Variants in EYA1 observed in about 807,000 individuals in gnomAD.
EYA1 encodes the protein protein phosphatase EYA1.
Under a neutral mutation model 82.0 loss-of-function variants are expected in EYA1, and 16 were observed. That is an observed-to-expected ratio of 0.20 (90% CI 0.13 to 0.30). The LOEUF is 0.30. Ranked by LOEUF, EYA1 falls within the 10% of genes least tolerant of loss-of-function variation. The pLI, the probability that EYA1 is intolerant of heterozygous loss-of-function variation, is 1.00. For synonymous variants in EYA1, 261 were observed against 264.4 expected, an observed-to-expected ratio of 0.99 and a Z score of 0.12; for missense variants, 633 against 730.7, an observed-to-expected ratio of 0.87 and a Z score of 1.54.
rs1300240292 is a variant in EYA1, at chr8:71,199,181, T to TC, written c.*158dup. On this transcript the variant is annotated 3_prime_UTR_variant, in exon 18 of 18. Coordinates refer to ENST00000340726, the MANE Select transcript of EYA1 (RefSeq NM_000503.6). ...TGTTCTGATGAAATAGACGTGGTCC[T>TC]CCATTCACCACAAAGGCAGAGGTCA... 1 of 685,184 alleles carries TC rather than the reference T, an allele frequency of 1.5e-6. No individual in the cohort carries two copies. The highest frequency in any genetic ancestry group is 2.7e-6 in the Non-Finnish European group (1 of 375,378). 42.4% of individuals were successfully genotyped at this position (685,184 alleles called of 1,614,324 possible). A position where few individuals can be genotyped will look rare whatever the true frequency, so the allele number is the denominator to read the frequency against.
At chr8:71,433,598 G>GT (rs1409828770) in intron 2 of EYA1, among the ~76,000 whole-genome samples, 1 of 152,174 alleles carries the variant, frequency 6.6e-6, no homozygotes, top group African/African-American at 2.4e-5. Flanking sequence ...AACAGGCAAC[G>GT]TAACAATCCA....
At chr8:71,422,598 A>G (rs1011435486) in intron 2 of EYA1, among the ~76,000 whole-genome samples, 2 of 152,188 alleles carry the variant, frequency 1.3e-5, no homozygotes, top group Non-Finnish European at 2.9e-5. Flanking sequence ...AAGACTGGGT[A>G]ATTTATAAAG....
chr8:71,269,701 C>T, intron 11 of EYA1, 39 bp downstream of exon 11: 1 of 1,448,456 alleles, frequency 6.9e-7, no homozygotes, highest in Non-Finnish European at 9.7e-7. Flanking sequence ...GGTATATTTA[C>T]TCCAAAGAAA....
chr8:71,247,149 T>C (rs1813202605), intron 11 of EYA1, among the ~76,000 whole-genome samples: 2 of 150,904 alleles, frequency 1.3e-5, no homozygotes, highest in Admixed American at 1.3e-4. Flanking sequence ...TCTCACCCCC[T>C]TAGCACTACC....
intron 16 of EYA1, among the ~76,000 whole-genome samples, chr8:71,212,977 C>G (rs1252180410): frequency 6.6e-6 from 1 of 152,062 alleles, no homozygotes; most frequent in Non-Finnish European, 1.5e-5. Context: ...CCTGGGGAGG[C>G]TGAGGCAGGA....
chr8:71,378,289 G>A (rs1452035017), intron 2 of EYA1, among the ~76,000 whole-genome samples: 1 of 152,108 alleles, frequency 6.6e-6, no homozygotes, highest in Non-Finnish European at 1.5e-5. Flanking sequence ...GACCCTTTAA[G>A]ATAAGAAGGG....
intron 2 of EYA1, among the ~76,000 whole-genome samples, chr8:71,510,022 C>A (rs1049859827): frequency 6.6e-6 from 1 of 150,680 alleles, no homozygotes; most frequent in African/African-American, 2.4e-5. Context: ...GTACCCTACC[C>A]TCACACTATA....
chr8:71,402,190 T>TG (rs1829994744), intron 2 of EYA1, among the ~76,000 whole-genome samples: 1 of 152,214 alleles, frequency 6.6e-6, no homozygotes, highest in South Asian at 2.1e-4. Context: ...TCTGTGCTCC[T>TG]GCAAGGAATC....
At chr8:71,336,570 T>C (rs1181702256) in intron 3 of EYA1, among the ~76,000 whole-genome samples, 1 of 152,240 alleles carries the variant, frequency 6.6e-6, no homozygotes, top group African/African-American at 2.4e-5. Context: ...ATTCTCCATA[T>C]GATTAGCTTA....
intron 3 of EYA1, among the ~76,000 whole-genome samples, chr8:71,352,340 A>G (rs564674877): frequency 3.9e-5 from 6 of 152,312 alleles, no homozygotes; most frequent in African/African-American, 1.4e-4. Flanking sequence ...ACTTAATAAA[A>G]ACCTAGAACT....
intron 3 of EYA1, among the ~76,000 whole-genome samples, chr8:71,349,867 A>G (rs1826133495): frequency 6.6e-6 from 1 of 152,206 alleles, no homozygotes; most frequent in South Asian, 2.1e-4. Context: ...CATCACAGTG[A>G]CTAATAATAG....
At chr8:71,390,012 T>C (rs1829185443) in intron 2 of EYA1, among the ~76,000 whole-genome samples, 1 of 152,232 alleles carries the variant, frequency 6.6e-6, no homozygotes, top group African/African-American at 2.4e-5. Context: ...CAGATGCTTT[T>C]TCTTTTGCAT....
intron 9 of EYA1, among the ~76,000 whole-genome samples, chr8:71,295,377 A>G (rs543744536): frequency 1.3e-5 from 2 of 152,362 alleles, no homozygotes; most frequent in South Asian, 4.1e-4. Context: ...AAAACCCAAC[A>G]ATAAGAAAAC....
chr8:71,543,516 T>C, intron 1 of EYA1, among the ~76,000 whole-genome samples: 1 of 152,164 alleles, frequency 6.6e-6, no homozygotes, highest in East Asian at 1.9e-4. Context: ...GAAACTATAG[T>C]TTAGTTTCTG....
chr8:71,244,617 A>G lies in EYA1; in HGVS notation c.1126T>C (p.Phe376Leu). 1.3e-6 allele frequency: 2 copies of G among 1,596,846 alleles called. No homozygotes were observed. The highest frequency in any genetic ancestry group is 1.7e-6 in the Non-Finnish European group (2 of 1,165,676). Residue 376 changes from phenylalanine to leucine, a missense_variant, in exon 12 of 18, where the codon TTT becomes CTT. Transcript: ENST00000340726. ...TTAGAACTTACTTCTAAGTCATTAA[A>G]AAATAAATGTGTGTCTGCCAAGTTG... ...IFNLADTHLF[F>L]NDLEECDQVH...
At chr8:71,341,254 G>T (rs146257187) in intron 3 of EYA1, among the ~76,000 whole-genome samples, 1 of 152,186 alleles carries the variant, frequency 6.6e-6, no homozygotes, top group East Asian at 1.9e-4. Context: ...AGCCTTAAAA[G>T]GACCCTTTAT....
At chr8:71,511,386 C>A (rs761943599) in intron 2 of EYA1, among the ~76,000 whole-genome samples, 1 of 152,124 alleles carries the variant, frequency 6.6e-6, no homozygotes, top group Non-Finnish European at 1.5e-5. Context: ...TGTTACTTGG[C>A]AATGAGACAA....
intron 7 of EYA1, among the ~76,000 whole-genome samples, chr8:71,307,027 TA>T (rs1431857742): frequency 6.6e-6 from 1 of 152,190 alleles, no homozygotes; most frequent in Non-Finnish European, 1.5e-5. Context: ...GGTAAGTGAC[TA>T]AAGGATTTAG....
Position 71,198,048 on chromosome 8 carries a change from C to T in EYA1, c.*1292G>A, listed in dbSNP as rs545860541. ...GAAAATACGCACATAGGGAGTAATG[C>T]AAAGTTTGCTGATTTCCGGATTAGC... On this transcript the variant is annotated 3_prime_UTR_variant, in exon 18 of 18. Coordinates refer to ENST00000340726, the MANE Select transcript of EYA1 (RefSeq NM_000503.6). 2 of 152,286 alleles carry T rather than the reference C, an allele frequency of 1.3e-5. No individual in the cohort carries two copies. The highest frequency in any genetic ancestry group is 4.1e-4 in the South Asian group (2 of 4,822). 9.4% of individuals were successfully genotyped at this position (152,286 alleles called of 1,614,324 possible).
Sources: gnomAD v4.1 joint callset for allele counts (sites outside exome capture counted in the v4.1 genomes callset) on GRCh38, gnomAD v4.1.1 for gene constraint, MANE v1.5 for transcripts, NCBI Gene and HGNC (gene_info 2026-07-23, HGNC 2026-07-21) for gene names.